Variants in SLC25A39 observed in about 807,000 individuals in gnomAD.
SLC25A39 encodes the protein mitochondrial glutathione transporter SLC25A39.
Under a neutral mutation model 46.6 loss-of-function variants are expected in SLC25A39, and 44 were observed. The observed-to-expected ratio is 0.94, with a 90% CI of 0.74 to 1.21. The LOEUF (loss-of-function observed/expected upper bound fraction) is 1.21, where lower values mean the gene tolerates loss of function less well. SLC25A39 is among the 50% of genes most tolerant of loss of function. The pLI is 0.00. For synonymous variants in SLC25A39, 218 were observed against 190.6 expected (o/e 1.14, Z -1.19); for missense variants, 487 against 473.0 (o/e 1.03, Z -0.28).
chr17:44,321,624 C>G, intron 6 of SLC25A39, 66 bp from the exon 7 acceptor site: 1 of 1,607,088 alleles, frequency 6.2e-7, no homozygotes, highest in East Asian at 2.2e-5. Flanking sequence ...GCATCACCTG[C>G]CCCACCTAGC....
chr17:44,323,359 G>C lies in SLC25A39; in HGVS notation c.86-16C>G. Reference sequence around the variant, plus strand: ...AGGGGTGTCACTGGGGGAGGAAGCGGGTCTGAAGGCTCCTTTCAGGACCCC... The same window carrying C: ...AGGGGTGTCACTGGGGGAGGAAGCGCGTCTGAAGGCTCCTTTCAGGACCCC... On this transcript the variant is annotated splice_polypyrimidine_tract_variant and intron_variant, in intron 2 of 11. Transcript: ENST00000377095. 1 of 1,608,086 alleles carries C rather than the reference G, an allele frequency of 6.2e-7. No homozygotes were observed. The highest frequency in any genetic ancestry group is 1.1e-5 in the South Asian group (1 of 90,382).
intron 5 of SLC25A39, among the ~76,000 whole-genome samples, chr17:44,322,184 G>A (rs1198447621): frequency 6.6e-6 from 1 of 152,164 alleles, no homozygotes; most frequent in South Asian, 2.1e-4. Flanking sequence ...AGGAGACAGA[G>A]GTTGCAGTGA....
chr17:44,321,608 T>C (rs1480749863), intron 6 of SLC25A39, 50 bp from the exon 7 acceptor site: 1 of 1,610,082 alleles, frequency 6.2e-7, no homozygotes, highest in Non-Finnish European at 8.5e-7. Context: ...GACCCAAACT[T>C]TTAAAGCATC....
chr17:44,323,434 G>GGCCCCCCCCCCCCCCCCCCCCCC, intron 2 of SLC25A39, 44 bp downstream of exon 2: 2 of 1,367,912 alleles, frequency 1.5e-6, no homozygotes, highest in Non-Finnish European at 2.0e-6. Context: ...TCTCCGGTCT[G>GGCCCCCCCCCCCCCCCCCCCCCC]CCCCATCCCC....
intron 1 of SLC25A39, 128 bp downstream of exon 1, chr17:44,324,583 C>G (rs1350928595): frequency 6.6e-6 from 1 of 152,316 alleles, no homozygotes; most frequent in African/African-American, 2.4e-5. Context: ...CGGCCCCGAA[C>G]GGCGGAGAGC....
rs1471589966 is a variant in SLC25A39 at position 44,320,192 on chromosome 17, T to C, written c.964+4A>G. On this transcript the variant is annotated splice_donor_region_variant and intron_variant, in intron 11 of 11. Transcript: ENST00000377095. ...GCCCCCACCCCCGACACCCACACAC[T>C]GACCTGCAAAGAGTCCCTTGGTGCC... 1.9e-6 allele frequency: 3 copies of C among 1,613,744 alleles called. No homozygotes were observed. Among genetic ancestry groups the C allele is most frequent in the Non-Finnish European group, 2.5e-6 (3 of 1,179,972 alleles).
chr17:44,320,151 G>A (rs2047972506), intron 11 of SLC25A39, 35 bp from the exon 12 acceptor site: 3 of 1,613,940 alleles, frequency 1.9e-6, no homozygotes, highest in East Asian at 4.5e-5. Flanking sequence ...CAGGGGTCAG[G>A]TCGCAGGTCC....
rs766729191 is a variant in SLC25A39, at chr17:44,322,394, CCCTACGGACCCAGCTGCT to C, written c.324+7_324+24del. On this transcript the variant is annotated splice_region_variant and intron_variant, in intron 5 of 11. Coordinates refer to ENST00000377095, the MANE Select transcript of SLC25A39 (RefSeq NM_001143780.3). ...GAACTCCTCACGGACACCGACGAAT[CCCTACGGACCCAGCTGCT>C]CCTCACCATGGTGCCAGTGAAGCGG... is the stretch of plus-strand genomic sequence containing the variant. The C allele has an allele frequency of 1.2e-6, 2 of 1,613,758 alleles. No individual in the cohort carries two copies. The highest frequency in any genetic ancestry group is 3.3e-5 in the Admixed American group (2 of 60,012).
chr17:44,320,734 T>C lies in SLC25A39; in HGVS notation c.692-3A>G. ...CTCATAGTTGAACCAGTACAGGGCT[T>C]GGGGTGGGGGATGCACTGATTAGAG... On this transcript the variant is annotated splice_region_variant and splice_polypyrimidine_tract_variant and intron_variant, in intron 8 of 11. Coordinates refer to ENST00000377095, the MANE Select transcript of SLC25A39 (RefSeq NM_001143780.3). 1 of 1,611,016 alleles carries C rather than the reference T, an allele frequency of 6.2e-7. No individual in the cohort carries two copies. Among genetic ancestry groups the C allele is most frequent in the South Asian group, 1.1e-5 (1 of 91,002 alleles).
In SLC25A39 at chr17:44,322,550, G is replaced by A. The variant is rs1282486189; in HGVS notation, c.193C>T (p.Pro65Ser). The A allele has an allele frequency of 1.9e-6, 3 of 1,613,868 alleles. No individual in the cohort carries two copies. The highest frequency in any genetic ancestry group is 1.3e-5 in the African/African-American group (1 of 74,908). Reference sequence around the variant, plus strand: ...TTCCCTGTGGATTGGAGAGAGGAGGGCACTGGGGAAAGGCAGGGGGCATTA... The same window carrying A: ...TTCCCTGTGGATTGGAGAGAGGAGGACACTGGGGAAAGGCAGGGGGCATTA... ...RLWSLSYTKL[P>S]SSLQSTGKCL... Residue 65 changes from proline (P) to serine (S), a missense_variant and splice_region_variant, in exon 5 of 12, where the codon CCC becomes TCC. Coordinates refer to ENST00000377095, the MANE Select transcript of SLC25A39 (RefSeq NM_001143780.3).
In SLC25A39 at chr17:44,320,301, G is replaced by A. The variant is rs779445834; in HGVS notation, c.884-25C>T. 4 of 1,613,404 alleles carry A rather than the reference G, an allele frequency of 2.5e-6. No individual in the cohort carries two copies. In the African/African-American group the frequency reaches 4.0e-5, roughly 16 times the overall value. ...ACTGCAAACGCGAGGCCGGCTCAGT[G>A]AGACCCCATTCAGGACCCCACCTGT... On this transcript the variant is annotated intron_variant, in intron 10 of 11. Transcript: ENST00000377095.
rs1383665836 is a variant in SLC25A39, at chr17:44,321,121, CCT to C, written c.626_627del (p.Gln209ArgfsTer29). 1.8e-5 allele frequency: 29 copies of C among 1,612,696 alleles called. No homozygotes were observed. Among genetic ancestry groups the C allele is most frequent in the Admixed American group, 6.7e-5 (4 of 59,966 alleles). On this transcript the variant is annotated frameshift_variant, in exon 8 of 12. Coordinates refer to ENST00000377095, the MANE Select transcript of SLC25A39 (RefSeq NM_001143780.3). LOFTEE classifies it high-confidence loss of function. ...LGACVRTAVA[Q>X]GGWRSLWLGW... ...CCCAGCCACAGTGAGCGCCAGCCACCCTGAGCCACTGCAGTTCGAACACAGGC... is the reference window on the plus strand; with the variant it reads ...CCCAGCCACAGTGAGCGCCAGCCACCGAGCCACTGCAGTTCGAACACAGGC...
At chr17:44,323,439 A>AGGCCCCCCCCCCCCC in intron 2 of SLC25A39, 39 bp downstream of exon 2, 3 of 257,082 alleles carry the variant, frequency 1.2e-5, no homozygotes, top group Non-Finnish European at 1.7e-5. Context: ...GGTCTGCCCC[A>AGGCCCCCCCCCCCCC]TCCCCACCCG....
At chr17:44,323,026 G>A (rs933195689) in intron 3 of SLC25A39, among the ~76,000 whole-genome samples, 174 bp from the exon 4 acceptor site, 3 of 152,248 alleles carry the variant, frequency 2.0e-5, no homozygotes, top group South Asian at 2.1e-4. Flanking sequence ...CGGTTCAAGC[G>A]ATTCTCCTGC....
At chr17:44,322,188 G>A (rs1339163872) in intron 5 of SLC25A39, among the ~76,000 whole-genome samples, 2 of 152,176 alleles carry the variant, frequency 1.3e-5, no homozygotes, top group Non-Finnish European at 2.9e-5. Context: ...GACAGAGGTT[G>A]CAGTGAGCTG....
At position 44,320,450 on chromosome 17, in the gene SLC25A39, C is replaced by T. The variant is rs772882946; in HGVS notation, c.802-14G>A. ...CACTGCAGCCACCTGGTGGGGTGGG[C>T]GGGGAGAGGGCTCAGCTCCACTTCC... On this transcript the variant is annotated splice_polypyrimidine_tract_variant and intron_variant, in intron 9 of 11. Transcript: ENST00000377095. 1.3e-5 allele frequency: 21 copies of T among 1,612,956 alleles called. No individual in the cohort carries two copies. Among genetic ancestry groups the T allele is most frequent in the African/African-American group, 5.3e-5 (4 of 74,862 alleles).
Position 44,320,061 on chromosome 17 carries a change from G to C in SLC25A39, c.1020C>G (p.Thr340=), listed in dbSNP as rs147367790. 2 of 1,613,916 alleles carry C rather than the reference G, an allele frequency of 1.2e-6. No homozygotes were observed. The highest frequency in any genetic ancestry group is 1.7e-5 in the Admixed American group (1 of 59,994). ...AAPSCAIMIS[T]YEFGKSFFQR... is the part of the protein sequence containing the mutation. ...GGAAGAAGCTTTTGCCGAACTCATA[G>C]GTGCTGATCATGATGGCACAGGAGG... The change falls in exon 12 of 12, where the codon ACC becomes ACG. Residue 340 remains threonine, a synonymous_variant. Coordinates refer to ENST00000377095, the MANE Select transcript of SLC25A39 (RefSeq NM_001143780.3).
chr17:44,323,144 A>C (rs954635152), intron 3 of SLC25A39, 140 bp downstream of exon 3: 1 of 1,070,516 alleles, frequency 9.3e-7, no homozygotes, highest in African/African-American at 1.6e-5. Flanking sequence ...GCTGGCCTTG[A>C]ACTCCTGATC....
At chr17:44,322,896 G>A (rs559629549) in intron 3 of SLC25A39, 44 bp from the exon 4 acceptor site, 15 of 1,566,222 alleles carry the variant, frequency 9.6e-6, no homozygotes, top group Middle Eastern at 3.4e-4. Context: ...GCCCCCACCC[G>A]CCCTAGGGAC....
Sources: gnomAD v4.1 joint callset for allele counts (sites outside exome capture counted in the v4.1 genomes callset) on GRCh38, gnomAD v4.1.1 for gene constraint, MANE v1.5 for transcripts, NCBI Gene and HGNC (gene_info 2026-07-23, HGNC 2026-07-21) for gene names.